Variants in SLC45A4 observed in about 807,000 individuals in gnomAD.
SLC45A4 encodes solute carrier family 45 member 4.
Under a neutral mutation model 63.7 loss-of-function variants are expected in SLC45A4, and 32 were observed. The observed-to-expected ratio is 0.50, with a 90% CI of 0.38 to 0.67. The LOEUF (loss-of-function observed/expected upper bound fraction) is 0.67. Among genes scored for constraint, SLC45A4 ranks in the 30% least tolerant of loss-of-function variants. SLC45A4 has a pLI of 0.00. For missense variants in SLC45A4, 1,027 were observed against 1,157.7 expected (o/e 0.89, Z 1.64); for synonymous variants, 535 against 510.0 (o/e 1.05, Z -0.66).
chr8:141,289,093 G>C (rs1830258046), intron 1 of SLC45A4, among the ~76,000 whole-genome samples: 1 of 152,250 alleles, frequency 6.6e-6, no homozygotes, highest in African/African-American at 2.4e-5. Context: ...AACCAGCCAG[G>C]TGCGCGATGG....
intron 1 of SLC45A4, among the ~76,000 whole-genome samples, chr8:141,295,591 C>T (rs970281260): frequency 1.3e-5 from 2 of 152,188 alleles, no homozygotes; most frequent in African/African-American, 4.8e-5. Flanking sequence ...CCCACTTCCA[C>T]AACACAGCAC....
chr8:141,254,371 G>T lies in SLC45A4; in HGVS notation c.-142C>A. ...GCAGGTAACACTTACATTCCTCTTT[G>T]CACAAGTGGCTATCTCACAACTTCT... On this transcript the variant is annotated 5_prime_UTR_variant, in exon 2 of 9. Transcript: ENST00000517878. The surrounding 1 kb of genome is among the most constrained non-coding windows in gnomAD (Gnocchi z 4.5). 1.0e-6 allele frequency: 1 copy of T among 959,302 alleles called. No individual in the cohort carries two copies. The highest frequency in any genetic ancestry group is 1.5e-6 in the Non-Finnish European group (1 of 661,608). The allele number at this position is 959,302 out of a possible 1,614,324, so 59.4% of individuals were successfully genotyped here.
At chr8:141,255,684 C>T (rs375055986) in intron 1 of SLC45A4, among the ~76,000 whole-genome samples, 12 of 152,180 alleles carry the variant, frequency 7.9e-5, no homozygotes, top group African/African-American at 2.9e-4. Context: ...CCACTGCACT[C>T]CAGCCTGGGC....
chr8:141,220,126 T>C (rs1263524595), intron 3 of SLC45A4, among the ~76,000 whole-genome samples: 1 of 152,200 alleles, frequency 6.6e-6, no homozygotes, highest in Non-Finnish European at 1.5e-5. Context: ...GAATAGACCT[T>C]TCTACCCCGG....
chr8:141,269,877 G>A (rs181066187), intron 1 of SLC45A4, among the ~76,000 whole-genome samples: 124 of 152,190 alleles, frequency 8.1e-4, no homozygotes, highest in Non-Finnish European at 1.3e-4. Flanking sequence ...AGGAATGAGC[G>A]GACACCGTAT....
intron 1 of SLC45A4, among the ~76,000 whole-genome samples, chr8:141,305,692 T>C (rs910314952): frequency 6.6e-6 from 1 of 152,184 alleles, no homozygotes; most frequent in African/African-American, 2.4e-5. Flanking sequence ...AGCCAGCCAC[T>C]GGGCGTCAGG....
chr8:141,271,136 G>C (rs1053657994), intron 1 of SLC45A4, among the ~76,000 whole-genome samples: 1 of 152,212 alleles, frequency 6.6e-6, no homozygotes, highest in Non-Finnish European at 1.5e-5. Context: ...CCCAGCACAC[G>C]GGGCTAACCC....
chr8:141,217,479 G>A (rs1410718207), intron 5 of SLC45A4, among the ~76,000 whole-genome samples: 5 of 152,354 alleles, frequency 3.3e-5, no homozygotes, highest in African/African-American at 1.2e-4. Flanking sequence ...CAGAAGTGAC[G>A]CTCCCGCAGC....
At chr8:141,300,116 G>A (rs768582701) in intron 1 of SLC45A4, among the ~76,000 whole-genome samples, 15 of 152,180 alleles carry the variant, frequency 9.9e-5, no homozygotes, top group Admixed American at 2.0e-4. Flanking sequence ...TGGAAGTGAC[G>A]CATTCTTAGT....
At chr8:141,263,810 G>C (rs1368512488) in intron 1 of SLC45A4, among the ~76,000 whole-genome samples, 4 of 151,218 alleles carry the variant, frequency 2.6e-5, no homozygotes, top group African/African-American at 9.7e-5. Flanking sequence ...AACAAAAAGA[G>C]AGAGAAAGAA....
intron 1 of SLC45A4, among the ~76,000 whole-genome samples, chr8:141,300,733 A>T (rs1214021671): frequency 1.3e-5 from 2 of 152,240 alleles, no homozygotes; most frequent in Admixed American, 1.3e-4. Flanking sequence ...CTTTCTGTCA[A>T]ATTAAAATTT....
chr8:141,260,894 A>G (rs1247361053), intron 1 of SLC45A4, among the ~76,000 whole-genome samples: 1 of 152,266 alleles, frequency 6.6e-6, no homozygotes, highest in Non-Finnish European at 1.5e-5. Context: ...CATCATCCTG[A>G]TACCAAAGCC....
rs552263039 is a variant in SLC45A4, at chr8:141,264,430, G to A, written c.-400-9801C>T. The stretch of plus-strand genomic sequence containing the variant: ...AGCCGCGGGAGGCAGAGAGGCTGCC[G>A]GGACATCTCGACCTCTGCTGGGGGA... On this transcript the variant is annotated intron_variant, in intron 1 of 8. Transcript: ENST00000517878. Among the ~76,000 whole-genome samples the A allele has an allele frequency of 3.5e-3, 529 of 152,276 alleles. 7 individuals are homozygous for A. Among genetic ancestry groups the A allele is most frequent in the African/African-American group, 0.012 (499 of 41,562 alleles).
intron 2 of SLC45A4, among the ~76,000 whole-genome samples, chr8:141,238,996 A>G (rs1054536213): frequency 4.6e-5 from 7 of 152,196 alleles, no homozygotes; most frequent in African/African-American, 9.6e-5. Flanking sequence ...CCGAGTTAGT[A>G]TAGGGAGGAA....
intron 2 of SLC45A4, among the ~76,000 whole-genome samples, chr8:141,250,277 T>C (rs2154614623): frequency 6.6e-6 from 1 of 152,366 alleles, no homozygotes; most frequent in Non-Finnish European, 1.5e-5. Context: ...TCTTGAGTCC[T>C]CATACACACT....
intron 2 of SLC45A4, among the ~76,000 whole-genome samples, chr8:141,231,504 G>A (rs544870293): frequency 6.6e-6 from 1 of 152,232 alleles, no homozygotes; most frequent in African/African-American, 2.4e-5. Flanking sequence ...TGCTCCAAGA[G>A]GGCCGCGCAG....
chr8:141,211,139 TGCG>T lies in SLC45A4; in HGVS notation c.*430_*432del, dbSNP rs1366034736. 1.0e-5 allele frequency: 3 copies of T among 296,156 alleles called. No individual in the cohort carries two copies. The highest frequency in any genetic ancestry group is 1.9e-5 in the Non-Finnish European group (3 of 159,698). 18.3% of individuals were successfully genotyped at this position (296,156 alleles called of 1,614,324 possible). On this transcript the variant is annotated 3_prime_UTR_variant, in exon 9 of 9. Transcript: ENST00000517878. ...CACATCCACACACCCGAGGTAGCCT[TGCG>T]GCGGGACTTGGGAGGCAGGGCCCGC...
In SLC45A4 at chr8:141,228,430, T is replaced by C. The variant is rs913638446; in HGVS notation, c.242-6665A>G. 1.1e-4 allele frequency: 150 copies of C among 1,415,420 alleles called. No individual in the cohort carries two copies. The East Asian group carries it at 3.4e-3, about 32-fold the overall frequency. 87.7% of individuals were successfully genotyped at this position (1,415,420 alleles called of 1,614,324 possible). A position where few individuals can be genotyped will look rare whatever the true frequency, so the allele number is the denominator to read the frequency against. Reference sequence around the variant, plus strand: ...CGCTCCAGAAAGCCAGCGGGAACATTCCGCAGCTGCTGTCCTGTCTCAGGG... The same window carrying C: ...CGCTCCAGAAAGCCAGCGGGAACATCCCGCAGCTGCTGTCCTGTCTCAGGG... On this transcript the variant is annotated intron_variant, in intron 2 of 8. Coordinates refer to ENST00000517878, the MANE Select transcript of SLC45A4 (RefSeq NM_001286646.2).
Position 141,244,961 on chromosome 8 carries a change from G to C in SLC45A4, c.241+9028C>G, listed in dbSNP as rs992872236. On this transcript the variant is annotated intron_variant, in intron 2 of 8. Transcript: ENST00000517878. ...CATTCAGCAAGAAGACGTGGGTGGG[G>C]GGGGGGGGCGGTGTGGAGGTGGAGG... is the stretch of plus-strand genomic sequence containing the variant. 2.4e-5 allele frequency among the ~76,000 whole-genome samples: 3 copies of C among 125,054 alleles called. 1 individual carries two copies. The highest frequency in any genetic ancestry group is 3.7e-4 in the South Asian group (1 of 2,720). The allele number at this position is 125,054 out of a possible 152,430, so 82.0% of individuals were successfully genotyped here.
Sources: gnomAD v4.1 joint callset for allele counts (sites outside exome capture counted in the v4.1 genomes callset) on GRCh38, gnomAD v4.1.1 for gene constraint, Gnocchi (gnomAD v3.1) non-coding constraint, MANE v1.5 for transcripts, NCBI Gene and HGNC (gene_info 2026-07-23, HGNC 2026-07-21) for gene names.